The following ELP4 variants were observed in gnomAD, a reference collection of about 807,000 sequenced individuals.
ELP4 encodes elongator complex protein 4.
In ELP4, 51 loss-of-function variants were observed where a neutral mutation model predicts 48.9. That is an observed-to-expected ratio of 1.04 (90% CI 0.83 to 1.32). ELP4 has a LOEUF of 1.32. Ranked by LOEUF, ELP4 falls within the 40% of genes most tolerant of loss-of-function variation. The pLI is 0.00. For missense variants in ELP4, 519 were observed against 514.6 expected (o/e 1.01, Z -0.08); for synonymous variants, 210 against 189.2 (o/e 1.11, Z -0.90).
chr11:31,526,762 A>G (rs1260988798), intron 2 of ELP4, among the ~76,000 whole-genome samples: 8 of 151,968 alleles, frequency 5.3e-5, no homozygotes, highest in Non-Finnish European at 1.2e-4. Context: ...CCAAGGACCT[A>G]GCAATATCAA....
chr11:31,643,350 G>T (rs1945137572), intron 7 of ELP4, among the ~76,000 whole-genome samples: 1 of 151,716 alleles, frequency 6.6e-6, no homozygotes, highest in African/African-American at 2.4e-5. Flanking sequence ...TTGAGGCGTT[G>T]CATAAATGCT....
At position 31,790,297 on chromosome 11, in the gene ELP4, CT is replaced by C; in HGVS notation, c.*6777del. The stretch of plus-strand genomic sequence containing the variant: ...CCTCTGTTTGTTTGCATGTTTGGAA[CT>C]TTTACAATAAAGCTGTCTCTGGAAA... On this transcript the variant is annotated 3_prime_UTR_variant, in exon 10 of 10. Transcript: ENST00000640961. The C allele has an allele frequency of 1.6e-6, 1 of 607,306 alleles. No homozygotes were observed. The highest frequency in any genetic ancestry group is 2.5e-6 in the Non-Finnish European group (1 of 402,784). The allele number at this position is 607,306 out of a possible 1,614,324, so 37.6% of individuals were successfully genotyped here. A position where few individuals can be genotyped will look rare whatever the true frequency, so the allele number is the denominator to read the frequency against.
chr11:31,734,206 G>T (rs1363687655), intron 9 of ELP4, among the ~76,000 whole-genome samples: 1 of 152,132 alleles, frequency 6.6e-6, no homozygotes, highest in Non-Finnish European at 1.5e-5. Flanking sequence ...GGAATGAAAA[G>T]AAATTATAGC....
At chr11:31,752,755 A>T (rs1199472191) in intron 9 of ELP4, among the ~76,000 whole-genome samples, 1 of 150,044 alleles carries the variant, frequency 6.7e-6, no homozygotes, top group East Asian at 2.0e-4. Flanking sequence ...AATGGCATGA[A>T]CCCGGGGGGC....
At chr11:31,546,453 C>T (rs964794639) in intron 3 of ELP4, among the ~76,000 whole-genome samples, 5 of 152,086 alleles carry the variant, frequency 3.3e-5, no homozygotes, top group African/African-American at 1.2e-4. Flanking sequence ...AATATATATG[C>T]ACCCAATACA....
At chr11:31,755,730 C>CAAAAAAAAA (rs58181247) in intron 9 of ELP4, among the ~76,000 whole-genome samples, 1 of 99,252 alleles carries the variant, frequency 1.0e-5, no homozygotes. Context: ...CCTGGAATTA[C>CAAAAAAAAA]AAAAAAAAAA....
chr11:31,604,020 TA>T, intron 5 of ELP4, 113 bp downstream of exon 5: 1 of 730,000 alleles, frequency 1.4e-6, no homozygotes, highest in Non-Finnish European at 2.0e-6. Flanking sequence ...TAATAATAAA[TA>T]TTAGTTTTCT....
At chr11:31,543,771 G>C (rs1956636573) in intron 3 of ELP4, among the ~76,000 whole-genome samples, 1 of 152,136 alleles carries the variant, frequency 6.6e-6, no homozygotes, top group Admixed American at 6.5e-5. Context: ...AGAAAACAAG[G>C]AGGAAGTCTT....
At chr11:31,576,856 A>AT (rs1565062728) in intron 3 of ELP4, among the ~76,000 whole-genome samples, 1 of 152,188 alleles carries the variant, frequency 6.6e-6, no homozygotes, top group East Asian at 1.9e-4. Context: ...CCAAAAACTG[A>AT]CACCCTAACA....
chr11:31,644,939 C>T (rs948589121), intron 7 of ELP4, among the ~76,000 whole-genome samples: 3 of 151,568 alleles, frequency 2.0e-5, no homozygotes, highest in African/African-American at 7.3e-5. Context: ...ATGTAATTTC[C>T]ATTGCTTTTT....
chr11:31,783,300 A>C, intron 9 of ELP4, 93 bp from the exon 10 acceptor site: 1 of 1,136,702 alleles, frequency 8.8e-7, no homozygotes, highest in Middle Eastern at 2.7e-4. Context: ...TCAACAGAGC[A>C]TAATATTGTA....
intron 9 of ELP4, among the ~76,000 whole-genome samples, chr11:31,685,627 A>G (rs1031385331): frequency 6.6e-6 from 1 of 152,044 alleles, no homozygotes; most frequent in East Asian, 1.9e-4. Context: ...TTTTATTAAT[A>G]AAGTTTATTT....
chr11:31,598,042 G>A (rs1156870907), intron 4 of ELP4, among the ~76,000 whole-genome samples: 13 of 127,976 alleles, frequency 1.0e-4, no homozygotes, highest in Non-Finnish European at 1.6e-4. Context: ...CGCAACCTCC[G>A]CCTCCCGGGT....
At chr11:31,669,692 T>C (rs1411278807) in intron 9 of ELP4, among the ~76,000 whole-genome samples, 2 of 152,166 alleles carry the variant, frequency 1.3e-5, no homozygotes, top group African/African-American at 2.4e-5. Context: ...ACACAATAGA[T>C]ACGTATTAAA....
intron 3 of ELP4, among the ~76,000 whole-genome samples, chr11:31,575,014 C>T (rs764117033): frequency 6.6e-6 from 1 of 152,122 alleles, no homozygotes; most frequent in Non-Finnish European, 1.5e-5. Flanking sequence ...GATATTCGAA[C>T]CCATCACAAA....
At position 31,756,534 on chromosome 11, in the gene ELP4, G is replaced by A. The variant is rs528643958; in HGVS notation, c.1144-26859G>A. ...ACTGGAGCAGTACCTTCTCCTCAAA[G>A]CCTTTCCTTGTCTGTTAAAGTCTCT... On this transcript the variant is annotated intron_variant, in intron 9 of 9. Transcript: ENST00000640961. 4.6e-5 allele frequency among the ~76,000 whole-genome samples: 7 copies of A among 152,228 alleles called. No homozygotes were observed. In the East Asian group the frequency reaches 1.2e-3, roughly 25 times the overall value.
intron 9 of ELP4, chr11:31,651,326 A>G (rs1486227717): frequency 6.6e-6 from 1 of 151,730 alleles, no homozygotes; most frequent in East Asian, 1.9e-4. Context: ...ATGGTCATCA[A>G]TGTCCTTAAT....
At chr11:31,594,496 C>G (rs988122433) in intron 3 of ELP4, among the ~76,000 whole-genome samples, 2 of 152,016 alleles carry the variant, frequency 1.3e-5, no homozygotes, top group African/African-American at 4.8e-5. Context: ...TGAGTATAAC[C>G]TCTTGTTAGA....
At chr11:31,752,997 G>A (rs974609751) in intron 9 of ELP4, among the ~76,000 whole-genome samples, 2 of 151,958 alleles carry the variant, frequency 1.3e-5, no homozygotes, top group Non-Finnish European at 2.9e-5. Context: ...TCTATATTAC[G>A]GTTTACTCAT....
Sources: allele counts gnomAD v4.1 joint callset (sites outside exome capture counted in the v4.1 genomes callset), GRCh38; gene constraint gnomAD v4.1.1; transcripts MANE v1.5; gene names NCBI Gene and HGNC (gene_info 2026-07-23, HGNC 2026-07-21).